The following C8orf34 variants were observed in gnomAD, a reference collection of about 807,000 sequenced individuals.
The protein encoded by C8orf34 is uncharacterized protein C8orf34.
A neutral mutation model predicts 68.3 loss-of-function variants in C8orf34; 65 were observed. The observed-to-expected ratio is 0.95, with a 90% CI of 0.78 to 1.17. The LOEUF is 1.17. Ranked by LOEUF, C8orf34 falls within the 50% of genes most tolerant of loss-of-function variation. The pLI is 0.00. For synonymous variants in C8orf34, 244 were observed against 241.2 expected, an observed-to-expected ratio of 1.01 and a Z score of -0.11; for missense variants, 664 against 655.4, an observed-to-expected ratio of 1.01 and a Z score of -0.14.
chr8:68,685,325 CAAAT>C (rs985766834), intron 8 of C8orf34, among the ~76,000 whole-genome samples: 8 of 151,998 alleles, frequency 5.3e-5, no homozygotes, highest in South Asian at 2.1e-4. Flanking sequence ...TGATTAAAAA[CAAAT>C]AAATAAGGTG....
chr8:68,595,586 A>G lies in C8orf34; in HGVS notation c.1106-44790A>G, dbSNP rs148907920. On this transcript the variant is annotated intron_variant, in intron 7 of 13. Transcript: ENST00000518698. ...ATTTCTTTCTTTTAATCCATTCTTT[A>G]GATATTCCCCTGATAAATCATTTGA... Among the ~76,000 whole-genome samples, 30 of 152,132 alleles carry G rather than the reference A, an allele frequency of 2.0e-4. No individual in the cohort carries two copies. In the East Asian group the frequency reaches 5.8e-3, roughly 29 times the overall value.
chr8:68,553,991 A>G (rs915853479), intron 7 of C8orf34, among the ~76,000 whole-genome samples: 3 of 152,172 alleles, frequency 2.0e-5, no homozygotes, highest in Admixed American at 2.0e-4. Context: ...AGATAGTATA[A>G]TTAATAACAC....
chr8:68,340,276 C>A (rs186941033), intron 1 of C8orf34, among the ~76,000 whole-genome samples: 1 of 152,128 alleles, frequency 6.6e-6, no homozygotes, highest in Admixed American at 6.6e-5. Flanking sequence ...AATTTGCATA[C>A]ATACATATAA....
chr8:68,796,747 A>T (rs1398869901), intron 12 of C8orf34, among the ~76,000 whole-genome samples: 2 of 151,968 alleles, frequency 1.3e-5, no homozygotes, highest in Non-Finnish European at 2.9e-5. Flanking sequence ...TAATCCAATC[A>T]CTGGGTAGTC....
intron 8 of C8orf34, among the ~76,000 whole-genome samples, chr8:68,649,483 T>C (rs1481621923): frequency 6.6e-6 from 1 of 152,190 alleles, no homozygotes; most frequent in African/African-American, 2.4e-5. Context: ...GGTTGCAATT[T>C]CATGAGGGCT....
At chr8:68,344,700 G>T (rs1378947150) in intron 1 of C8orf34, among the ~76,000 whole-genome samples, 1 of 152,020 alleles carries the variant, frequency 6.6e-6, no homozygotes, top group East Asian at 1.9e-4. Context: ...TTGCATAATA[G>T]AAAGAATAGA....
chr8:68,336,334 T>C (rs1017244943), intron 1 of C8orf34, among the ~76,000 whole-genome samples: 4 of 152,060 alleles, frequency 2.6e-5, no homozygotes, highest in Admixed American at 2.6e-4. Flanking sequence ...AGGGGCTGAG[T>C]GGGCAGTGGC....
intron 1 of C8orf34, among the ~76,000 whole-genome samples, chr8:68,399,056 C>T (rs1808840228): frequency 6.6e-6 from 1 of 152,102 alleles, no homozygotes; most frequent in Admixed American, 6.6e-5. Flanking sequence ...AATTATGTCA[C>T]CCATCCTATC....
chr8:68,443,931 CT>C (rs754018083), intron 2 of C8orf34, among the ~76,000 whole-genome samples: 4 of 150,394 alleles, frequency 2.7e-5, no homozygotes, highest in Non-Finnish European at 4.4e-5. Flanking sequence ...AATTATTTTT[CT>C]TGAATACTTA....
intron 4 of C8orf34, among the ~76,000 whole-genome samples, chr8:68,471,180 T>A (rs1812363928): frequency 6.6e-6 from 1 of 152,104 alleles, no homozygotes; most frequent in Middle Eastern, 3.2e-3. Flanking sequence ...TTGGCTTCAC[T>A]TAATGGTTTT....
At chr8:68,463,512 C>T (rs1445099984) in intron 3 of C8orf34, among the ~76,000 whole-genome samples, 1 of 152,168 alleles carries the variant, frequency 6.6e-6, no homozygotes, top group South Asian at 2.1e-4. Context: ...AGACCAATAT[C>T]CTTGATGAAC....
intron 7 of C8orf34, among the ~76,000 whole-genome samples, chr8:68,636,279 T>C (rs185516307): frequency 6.6e-6 from 1 of 152,134 alleles, no homozygotes; most frequent in East Asian, 1.9e-4. Flanking sequence ...AACGTTCTAA[T>C]GCTGCATATG....
At chr8:68,796,331 A>G (rs1192913685) in intron 12 of C8orf34, among the ~76,000 whole-genome samples, 2 of 152,036 alleles carry the variant, frequency 1.3e-5, no homozygotes, top group Non-Finnish European at 2.9e-5. Flanking sequence ...TGATTTTTGG[A>G]GATTCCTATA....
intron 10 of C8orf34, among the ~76,000 whole-genome samples, chr8:68,743,382 C>G (rs930647598): frequency 1.3e-5 from 2 of 152,148 alleles, no homozygotes; most frequent in Non-Finnish European, 2.9e-5. Context: ...CGAATAGGAA[C>G]AGCTCTGGTC....
chr8:68,399,664 G>T (rs578067246), intron 1 of C8orf34, among the ~76,000 whole-genome samples: 37 of 152,110 alleles, frequency 2.4e-4, no homozygotes, highest in African/African-American at 8.4e-4. Context: ...CTTTTCCTTT[G>T]GGTAGATTCC....
At chr8:68,720,303 C>T (rs1317803772) in intron 9 of C8orf34, among the ~76,000 whole-genome samples, 7 of 151,874 alleles carry the variant, frequency 4.6e-5, no homozygotes, top group Non-Finnish European at 8.8e-5. Context: ...ATGTAAAATT[C>T]TGAGTTATCA....
intron 7 of C8orf34, among the ~76,000 whole-genome samples, chr8:68,549,641 T>A (rs1237082539): frequency 2.0e-5 from 3 of 151,530 alleles, no homozygotes; most frequent in Non-Finnish European, 4.4e-5. Context: ...ATCTGAGGAG[T>A]CAAAATTAAA....
intron 11 of C8orf34, among the ~76,000 whole-genome samples, chr8:68,777,287 C>A (rs1823547271): frequency 6.6e-6 from 1 of 152,184 alleles, no homozygotes; most frequent in Admixed American, 6.5e-5. Flanking sequence ...AGGTCTAACC[C>A]CATGTTCCCA....
intron 7 of C8orf34, among the ~76,000 whole-genome samples, chr8:68,594,215 C>T (rs1817477431): frequency 6.6e-6 from 1 of 151,858 alleles, no homozygotes; most frequent in South Asian, 2.1e-4. Context: ...TTCTCAAATG[C>T]ACTCTGTTTA....
Sources: allele counts gnomAD v4.1 joint callset (sites outside exome capture counted in the v4.1 genomes callset), GRCh38; gene constraint gnomAD v4.1.1; transcripts MANE v1.5; gene names NCBI Gene and HGNC (gene_info 2026-07-23, HGNC 2026-07-21).